Variants in HMCN1 observed in about 807,000 individuals in gnomAD.
The protein encoded by HMCN1 is hemicentin 1.
In HMCN1, 321 loss-of-function variants were observed where a neutral mutation model predicts 625.9. The observed-to-expected ratio is 0.51, with a 90% CI of 0.47 to 0.56. HMCN1 has a LOEUF of 0.56. Among genes scored for constraint, HMCN1 ranks in the 20% least tolerant of loss-of-function variants. The pLI, the probability that HMCN1 is intolerant of heterozygous loss-of-function variation, is 0.00. For synonymous variants in HMCN1, 2,425 were observed against 2,417.6 expected, an observed-to-expected ratio of 1.00 and a Z score of -0.09; for missense variants, 6,588 against 6,887.3, an observed-to-expected ratio of 0.96 and a Z score of 1.54.
intron 52 of HMCN1, among the ~76,000 whole-genome samples, chr1:186,071,722 T>A (rs1297818295): frequency 1.3e-5 from 2 of 152,184 alleles, no homozygotes; most frequent in Admixed American, 6.6e-5. Context: ...ATAAGCAAGT[T>A]TCATCTGGAA....
intron 105 of HMCN1, among the ~76,000 whole-genome samples, chr1:186,183,097 T>C (rs1482062183): frequency 1.3e-5 from 2 of 152,130 alleles, no homozygotes; most frequent in African/African-American, 4.8e-5. Flanking sequence ...AATCTAGGAG[T>C]ATTATGTGGG....
intron 4 of HMCN1, among the ~76,000 whole-genome samples, chr1:185,907,315 C>T (rs1354932066): frequency 6.6e-6 from 1 of 151,874 alleles, no homozygotes; most frequent in African/African-American, 2.4e-5. Context: ...TCAATTCATC[C>T]GTGATGACAC....
chr1:186,010,236 T>C (rs970282088), intron 30 of HMCN1, among the ~76,000 whole-genome samples: 1 of 152,100 alleles, frequency 6.6e-6, no homozygotes, highest in Admixed American at 6.6e-5. Context: ...CATGGGTGTA[T>C]CTATACATGC....
At chr1:185,997,302 A>G in intron 24 of HMCN1, 127 bp from the exon 25 acceptor site, 2 of 712,344 alleles carry the variant, frequency 2.8e-6, no homozygotes, top group Admixed American at 2.1e-5. Context: ...AACTGGAAAT[A>G]GGAATCATAT....
intron 97 of HMCN1, among the ~76,000 whole-genome samples, chr1:186,163,281 A>T (rs933022437): frequency 2.0e-5 from 3 of 152,172 alleles, no homozygotes; most frequent in Admixed American, 6.5e-5. Context: ...TTCGGGTGGG[A>T]GTGACCCGAT....
At chr1:186,175,415 A>G (rs978448673) in intron 103 of HMCN1, among the ~76,000 whole-genome samples, 7 of 152,172 alleles carry the variant, frequency 4.6e-5, no homozygotes, top group Non-Finnish European at 1.0e-4. Flanking sequence ...AAATTCTCCC[A>G]AAAAGACTTA....
chr1:186,008,238 A>T (rs572936260), intron 30 of HMCN1, among the ~76,000 whole-genome samples: 28 of 152,266 alleles, frequency 1.8e-4, no homozygotes, highest in South Asian at 1.0e-3. Flanking sequence ...AAATGAATGA[A>T]TGGTCTAGTG....
At position 186,097,925 on chromosome 1, in the gene HMCN1, A is replaced by G. The variant is rs1028412199; in HGVS notation, c.10573+2404A>G. 2.0e-5 allele frequency among the ~76,000 whole-genome samples: 3 copies of G among 152,208 alleles called. No homozygotes were observed. In the East Asian group the frequency reaches 5.8e-4, roughly 29 times the overall value. Reference sequence around the variant, plus strand: ...ATCTACAGCCACCTGATTTTTGACAAAGGTCCCAAGAACACATACTGGGGA... The same window carrying G: ...ATCTACAGCCACCTGATTTTTGACAGAGGTCCCAAGAACACATACTGGGGA... On this transcript the variant is annotated intron_variant, in intron 68 of 106. Transcript: ENST00000271588.
intron 11 of HMCN1, among the ~76,000 whole-genome samples, chr1:185,952,754 A>T (rs1406876597): frequency 6.6e-6 from 1 of 151,668 alleles, no homozygotes; most frequent in Non-Finnish European, 1.5e-5. Context: ...TAGAAGAAGG[A>T]GGAATGGAAG....
chr1:185,924,936 T>C, intron 8 of HMCN1, 111 bp from the exon 9 acceptor site: 1 of 945,130 alleles, frequency 1.1e-6, no homozygotes. Context: ...GCAGAGGATT[T>C]ACTGGAATAA....
At chr1:185,786,907 T>C (rs1657614720) in intron 1 of HMCN1, among the ~76,000 whole-genome samples, 1 of 152,222 alleles carries the variant, frequency 6.6e-6, no homozygotes, top group Admixed American at 6.5e-5. Context: ...TCACCTCCCA[T>C]GCTTGTTAAA....
chr1:186,149,645 C>T (rs890832148), intron 93 of HMCN1, among the ~76,000 whole-genome samples: 1 of 152,200 alleles, frequency 6.6e-6, no homozygotes, highest in African/African-American at 2.4e-5. Flanking sequence ...CTCTTTGATG[C>T]AAGAGGCCTA....
intron 1 of HMCN1, among the ~76,000 whole-genome samples, chr1:185,802,222 T>C (rs904698333): frequency 8.5e-5 from 13 of 152,150 alleles, no homozygotes; most frequent in Non-Finnish European, 1.5e-4. Context: ...TGGATGAACA[T>C]AGGTACTTTT....
intron 1 of HMCN1, among the ~76,000 whole-genome samples, chr1:185,775,293 C>CA (rs1656517839): frequency 6.6e-6 from 1 of 152,140 alleles, no homozygotes. Context: ...GTCCCAGCTA[C>CA]TTGGGAGACT....
At chr1:185,825,179 A>AG (rs1660439021) in intron 1 of HMCN1, among the ~76,000 whole-genome samples, 1 of 152,242 alleles carries the variant, frequency 6.6e-6, no homozygotes, top group African/African-American at 2.4e-5. Context: ...AACGCTGAGG[A>AG]GGGGTACTTC....
chr1:186,039,101 T>C, intron 38 of HMCN1, 96 bp downstream of exon 38: 1 of 857,092 alleles, frequency 1.2e-6, no homozygotes. Context: ...TTTAACAGAA[T>C]GTGTTATTGT....
At chr1:185,898,543 A>G (rs16824692) in intron 4 of HMCN1, among the ~76,000 whole-genome samples, 9,633 of 152,136 alleles carry the variant, frequency 0.063, 1,069 homozygotes, top group African/African-American at 0.22. Context: ...GTCCTAGCTC[A>G]TAGGTGTCTT....
At chr1:186,089,329 A>G (rs904364458) in intron 63 of HMCN1, among the ~76,000 whole-genome samples, 2 of 152,004 alleles carry the variant, frequency 1.3e-5, no homozygotes, top group Non-Finnish European at 2.9e-5. Flanking sequence ...CAGTATTGAA[A>G]CTGAAATGAA....
chr1:186,058,219 A>G (rs1466615337), intron 46 of HMCN1, among the ~76,000 whole-genome samples: 4 of 152,016 alleles, frequency 2.6e-5, no homozygotes. Context: ...CGGTCAAACC[A>G]GTTATGAACT....
Sources: gnomAD v4.1 joint callset for allele counts (sites outside exome capture counted in the v4.1 genomes callset) on GRCh38, gnomAD v4.1.1 for gene constraint, MANE v1.5 for transcripts, NCBI Gene and HGNC (gene_info 2026-07-23, HGNC 2026-07-21) for gene names.